LRP1: variants seen among roughly 807,000 people sequenced by gnomAD.
The protein encoded by LRP1 is prolow-density lipoprotein receptor-related protein 1.
A neutral mutation model predicts 541.5 loss-of-function variants in LRP1; 51 were observed. The observed-to-expected ratio is 0.09, with a 90% CI of 0.08 to 0.12. The LOEUF is 0.12. Ranked by LOEUF, LRP1 falls within the 10% of genes least tolerant of loss-of-function variation. LRP1 has a pLI of 1.00. For missense variants in LRP1, 3,878 were observed against 6,376.2 expected, an observed-to-expected ratio of 0.61 and a Z score of 13.34; for synonymous variants, 2,219 against 2,470.8, an observed-to-expected ratio of 0.90 and a Z score of 3.02.
chr12:57,157,991 G>T (rs2035654731), intron 10 of LRP1, among the ~76,000 whole-genome samples: 1 of 152,214 alleles, frequency 6.6e-6, no homozygotes, highest in Non-Finnish European at 1.5e-5. Context: ...ATGGGCAGTA[G>T]GGAAGTAGCC....
At position 57,166,924 on chromosome 12, in the gene LRP1, C is replaced by T. The variant is rs1170636062; in HGVS notation, c.2798-6C>T. 3.2e-6 allele frequency: 5 copies of T among 1,545,324 alleles called. No homozygotes were observed. The highest frequency in any genetic ancestry group is 4.5e-6 in the Non-Finnish European group (5 of 1,117,726). ...ATGAGTACTCACACCCATCCCTGCC[C>T]CCCAGCCCGCACCTGCCCCCCCAAC... is the stretch of plus-strand genomic sequence containing the variant. On this transcript the variant is annotated splice_polypyrimidine_tract_variant and splice_region_variant and intron_variant, in intron 17 of 88. Coordinates refer to ENST00000243077, the MANE Select transcript of LRP1 (RefSeq NM_002332.3).
chr12:57,173,658 C>A lies in LRP1; in HGVS notation c.3347-122C>A. 9.7e-7 allele frequency: 1 copy of A among 1,027,170 alleles called. No homozygotes were observed. Among genetic ancestry groups the A allele is most frequent in the Non-Finnish European group, 1.5e-6 (1 of 680,768 alleles). The allele number at this position is 1,027,170 out of a possible 1,614,324, so 63.6% of individuals were successfully genotyped here. A position where few individuals can be genotyped will look rare whatever the true frequency, so the allele number is the denominator to read the frequency against. On this transcript the variant is annotated intron_variant, in intron 21 of 88. Transcript: ENST00000243077. This position sits in a 1 kb window ranked among gnomAD's most constrained non-coding sequence, Gnocchi z 4.7. ...ATTTGACCCAAAAAGCCTCGGGGTT[C>A]CTCGTGGACCCCACAGCGTTGCAAT...
At chr12:57,196,349 C>T (rs2036534539) in intron 55 of LRP1, 72 bp downstream of exon 55, 2 of 1,316,338 alleles carry the variant, frequency 1.5e-6, no homozygotes, top group Non-Finnish European at 2.1e-6. Flanking sequence ...CTGCCTTATT[C>T]ATTCATTCAT....
In LRP1 at chr12:57,184,626, G is replaced by A. The variant is rs2036232825; in HGVS notation, c.6186+174G>A. On this transcript the variant is annotated intron_variant, in intron 38 of 88. Coordinates refer to ENST00000243077, the MANE Select transcript of LRP1 (RefSeq NM_002332.3). The surrounding 1 kb of genome is among the most constrained non-coding windows in gnomAD (Gnocchi z 7.8). ...GCTACCACAGAGATGATGGGCAGGG[G>A]TCGCTCAGAAGTGGGGAGTGGGGGA... Among the ~76,000 whole-genome samples, 1 of 152,232 alleles carries A rather than the reference G, an allele frequency of 6.6e-6. No individual in the cohort carries two copies. The highest frequency in any genetic ancestry group is 1.5e-5 in the Non-Finnish European group (1 of 68,034).
At chr12:57,196,920 T>G in intron 55 of LRP1, 62 bp from the exon 56 acceptor site, 1 of 1,416,624 alleles carries the variant, frequency 7.1e-7, no homozygotes, top group Non-Finnish European at 9.7e-7. Flanking sequence ...CTGAGCCAGG[T>G]CTCCAGGGTG....
chr12:57,175,359 C>T, intron 22 of LRP1, 101 bp from the exon 23 acceptor site: 2 of 1,422,828 alleles, frequency 1.4e-6, no homozygotes, highest in Non-Finnish European at 1.9e-6. Context: ...GGCACAAGGA[C>T]TTGGTCCAGG....
chr12:57,138,316 C>T (rs1297306668), intron 1 of LRP1, 143 bp from the exon 2 acceptor site: 2 of 989,298 alleles, frequency 2.0e-6, no homozygotes, highest in Non-Finnish European at 3.0e-6. Flanking sequence ...CCCCCTGACA[C>T]CCCCAGGCAC....
rs770681646 is a variant in LRP1 at position 57,211,828 on chromosome 12, G to A, written c.13258+14G>A. The A allele has an allele frequency of 6.2e-7, 1 of 1,612,672 alleles. No homozygotes were observed. Among genetic ancestry groups the A allele is most frequent in the African/African-American group, 1.3e-5 (1 of 74,912 alleles). ...AGCAGCCAGGACGTAGGTGGCAGGG[G>A]TTGGGGCAGGCAGGGCCACCGGGAC... On this transcript the variant is annotated intron_variant, in intron 86 of 88. Transcript: ENST00000243077. The surrounding 1 kb of genome is among the most constrained non-coding windows in gnomAD (Gnocchi z 4.3).
In LRP1 at chr12:57,145,039, A is replaced by G. The variant is rs199970831; in HGVS notation, c.516A>G (p.Ile172Met). The change falls in exon 5 of 89, where the codon ATA (isoleucine) becomes ATG (methionine). Residue 172 changes from isoleucine to methionine, a missense_variant. Transcript: ENST00000243077. ...QLCTNTDGSF[I>M]CGCVEGYLLQ... is the part of the protein sequence containing the mutation. ...GCACCAACACAGACGGCTCCTTCAT[A>G]TGTGGCTGTGTTGAAGGATACCTCC... 255 of 1,613,970 alleles carry G rather than the reference A, an allele frequency of 1.6e-4. No homozygotes were observed. The highest frequency in any genetic ancestry group is 2.0e-4 in the Non-Finnish European group (235 of 1,180,020).
At chr12:57,149,702 G>A (rs2035488545) in intron 6 of LRP1, 1 of 736,182 alleles carries the variant, frequency 1.4e-6, no homozygotes, top group Non-Finnish European at 2.5e-6. Flanking sequence ...AGAGAGCCCA[G>A]GAGAACGAGG....
Position 57,180,744 on chromosome 12 carries a change from G to A in LRP1, c.5464G>A (p.Val1822Ile), listed in dbSNP as rs1363873514. Residue 1822 changes from valine (V) to isoleucine (I), a missense_variant, in exon 33 of 89, where the codon GTC becomes ATC. Coordinates refer to ENST00000243077, the MANE Select transcript of LRP1 (RefSeq NM_002332.3). Reference protein sequence around the residue: ...CSKADGSGSVVLRNSTTLVMH... With the variant: ...CSKADGSGSVILRNSTTLVMH... ...CAAGGCTGACGGCTCGGGCTCCGTG[G>A]TCCTTCGGAACAGCACCACCCTGGT... 1 of 1,613,970 alleles carries A rather than the reference G, an allele frequency of 6.2e-7. No homozygotes were observed. Among genetic ancestry groups the A allele is most frequent in the African/African-American group, 1.3e-5 (1 of 74,948 alleles).
In LRP1 at chr12:57,211,632, C is replaced by T. The variant is rs141837147; in HGVS notation, c.13193+44C>T. On this transcript the variant is annotated intron_variant, in intron 85 of 88. Transcript: ENST00000243077. The surrounding 1 kb of genome is among the most constrained non-coding windows in gnomAD (Gnocchi z 4.3). ...TCACCCAGGCATAGATCATCGCTCC[C>T]TTCCCCAGATTTGAGCAGGAGGACC... is the stretch of plus-strand genomic sequence containing the variant. The T allele has an allele frequency of 6.2e-4, 1,003 of 1,607,558 alleles. 3 individuals carry two copies. In the African/African-American group the frequency reaches 0.012, roughly 19 times the overall value.
chr12:57,143,947 G>T, intron 4 of LRP1, 149 bp downstream of exon 4: 1 of 993,536 alleles, frequency 1.0e-6, no homozygotes. Context: ...CCCAGGGCAT[G>T]ACTGTGAGCC....
At position 57,129,274 on chromosome 12, in the gene LRP1, G is replaced by A. The variant is rs549748950; in HGVS notation, c.67+243G>A. 2.6e-5 allele frequency among the ~76,000 whole-genome samples: 4 copies of A among 152,250 alleles called. No homozygotes were observed. The East Asian group carries it at 5.8e-4, about 22-fold the overall frequency. ...CAAAGACCAGAGGCCTGGGTAGAGA[G>A]AAGAGGGCTCCCCATTTTTCTGATC... On this transcript the variant is annotated intron_variant, in intron 1 of 88. Transcript: ENST00000243077.
chr12:57,195,809 C>G (rs754584933), intron 53 of LRP1, 29 bp downstream of exon 53: 1 of 1,613,960 alleles, frequency 6.2e-7, no homozygotes, highest in Non-Finnish European at 8.5e-7. Flanking sequence ...TGGGAGGAGG[C>G]CCTGCCCTCT....
intron 34 of LRP1, 143 bp downstream of exon 34, chr12:57,181,434 G>GGAGAGTCATAGCC: frequency 9.3e-7 from 1 of 1,072,316 alleles, no homozygotes; most frequent in Non-Finnish European, 1.3e-6. Context: ...AAGTGGCTAT[G>GGAGAGTCATAGCC]ACTCTCCAGT....
In LRP1 at chr12:57,183,324, C is replaced by A; in HGVS notation, c.5663-55C>A. The A allele has an allele frequency of 2.6e-6, 4 of 1,563,302 alleles. No individual in the cohort carries two copies. Among genetic ancestry groups the A allele is most frequent in the Non-Finnish European group, 3.5e-6 (4 of 1,147,450 alleles). On this transcript the variant is annotated intron_variant, in intron 34 of 88. Coordinates refer to ENST00000243077, the MANE Select transcript of LRP1 (RefSeq NM_002332.3). The surrounding 1 kb of genome is among the most constrained non-coding windows in gnomAD (Gnocchi z 6.1). ...GAGAACAGTTGGAGGGTGACAGGAA[C>A]CAAGTTTAAGGGAGTGTTGGCGATA...
chr12:57,210,165 A>G lies in LRP1; in HGVS notation c.12576A>G (p.Pro4192=), dbSNP rs2036877034. The G allele has an allele frequency of 6.3e-7, 1 of 1,594,984 alleles. No homozygotes were observed. The highest frequency in any genetic ancestry group is 1.7e-5 in the Admixed American group (1 of 58,108). ...CTGTGCCCTCTCCAACGCCCCCCCC[A>G]GATGGTATGCTTATGCCCTCCCAGT... ...CVPVPSPTPP[P]DAPRPGTCNL... is the part of the protein sequence containing the mutation. The change falls in exon 81 of 89, where the codon CCA becomes CCG. Residue 4192 remains proline, a synonymous_variant. Coordinates refer to ENST00000243077, the MANE Select transcript of LRP1 (RefSeq NM_002332.3).
At chr12:57,132,131 T>C (rs557704692) in intron 1 of LRP1, 8 of 152,446 alleles carry the variant, frequency 5.2e-5, no homozygotes, top group African/African-American at 1.7e-4. Flanking sequence ...GTATGAGCGA[T>C]AGAGAACCTG....
Sources: gnomAD v4.1 joint callset for allele counts (sites outside exome capture counted in the v4.1 genomes callset) on GRCh38, gnomAD v4.1.1 for gene constraint, Gnocchi (gnomAD v3.1) non-coding constraint, MANE v1.5 for transcripts, NCBI Gene and HGNC (gene_info 2026-07-23, HGNC 2026-07-21) for gene names.